SLC45A2: variants seen among roughly 807,000 people sequenced by gnomAD.
SLC45A2 encodes the protein solute carrier family 45 member 2.
SLC45A2 carries 36 observed loss-of-function variants against 45.5 expected under a neutral mutation model. The observed-to-expected ratio is 0.79, with a 90% CI of 0.61 to 1.04. The LOEUF is 1.04. Ranked by LOEUF, SLC45A2 falls within the 50% of genes least tolerant of loss-of-function variation. The probability of loss-of-function intolerance (pLI) is 0.00; values close to 1 mark genes in which losing one functional copy is unlikely to be tolerated. For synonymous variants in SLC45A2, 306 were observed against 269.3 expected (o/e 1.14, Z -1.33); for missense variants, 719 against 671.0 (o/e 1.07, Z -0.79).
Position 33,953,561 on chromosome 5 carries a change from G to A in SLC45A2, c.1032+800C>T, listed in dbSNP as rs1203228793. Among the ~76,000 whole-genome samples, 23 of 150,998 alleles carry A rather than the reference G, an allele frequency of 1.5e-4. No individual in the cohort carries two copies. In the South Asian group the frequency reaches 1.7e-3, roughly 11 times the overall value. Reference sequence around the variant, plus strand: ...CCCTAAAAGAGCTCCTGAAGGAAGCGCTAAACATGGAAAGGAACAACCGGT... The same window carrying A: ...CCCTAAAAGAGCTCCTGAAGGAAGCACTAAACATGGAAAGGAACAACCGGT... On this transcript the variant is annotated intron_variant, in intron 4 of 6. Transcript: ENST00000296589.
chr5:33,947,172 T>C lies in SLC45A2; in HGVS notation c.1359A>G (p.Glu453=). 1 of 1,614,222 alleles carries C rather than the reference T, an allele frequency of 6.2e-7. No individual in the cohort carries two copies. Among genetic ancestry groups the C allele is most frequent in the East Asian group, 2.2e-5 (1 of 44,888 alleles). Residue 453 remains glutamate (E), a synonymous_variant, in exon 6 of 7, where the codon GAA becomes GAG. Transcript: ENST00000296589. ...FNLITEYHRE[E]EKERQQAPGG... is the part of the protein sequence containing the mutation. ...TTCAATGACAGCACACCTCCTTTTC[T>C]TCCTCGCGGTGGTACTCAGTAATGA...
At chr5:33,967,013 A>G (rs1009888347) in intron 2 of SLC45A2, among the ~76,000 whole-genome samples, 1 of 152,162 alleles carries the variant, frequency 6.6e-6, no homozygotes, top group Non-Finnish European at 1.5e-5. Flanking sequence ...ATTAATGCAA[A>G]TAATCCACGT....
intron 3 of SLC45A2, among the ~76,000 whole-genome samples, chr5:33,962,024 A>G (rs765623794): frequency 1.3e-5 from 2 of 152,216 alleles, no homozygotes; most frequent in Non-Finnish European, 2.9e-5. Context: ...TTGCATCAAC[A>G]TAAGAAGACT....
At chr5:33,982,940 GAC>G (rs770615685) in intron 1 of SLC45A2, among the ~76,000 whole-genome samples, 1 of 152,214 alleles carries the variant, frequency 6.6e-6, no homozygotes, top group Non-Finnish European at 1.5e-5. Context: ...TGCACATACA[GAC>G]ACACGTGTAC....
rs1022142692 is a variant in SLC45A2, at chr5:33,971,109, G to A, written c.563-7093C>T. 1.5e-5 allele frequency: 8 copies of A among 525,914 alleles called. No homozygotes were observed. The African/African-American group carries it at 1.5e-4, about 10-fold the overall frequency. 32.6% of individuals were successfully genotyped at this position (525,914 alleles called of 1,614,324 possible). ...GATGGACCAAGATGTGTTGGGAGTT[G>A]TCGTCGACAGCTTCACAAAAGTAGC... On this transcript the variant is annotated intron_variant, in intron 2 of 6. Transcript: ENST00000296589.
At chr5:33,951,759 G>A in intron 4 of SLC45A2, 82 bp from the exon 5 acceptor site, 1 of 1,581,990 alleles carries the variant, frequency 6.3e-7, no homozygotes, top group Non-Finnish European at 8.7e-7. Flanking sequence ...CTCCACCTCT[G>A]GGGAGCAAAT....
At chr5:33,970,771 T>C (rs1752754296) in intron 2 of SLC45A2, 1 of 253,358 alleles carries the variant, frequency 3.9e-6, no homozygotes, top group Non-Finnish European at 7.8e-6. Context: ...TGGTGGTCAA[T>C]GAACAGGAAA....
intron 2 of SLC45A2, among the ~76,000 whole-genome samples, chr5:33,972,884 T>C (rs1217822364): frequency 6.6e-6 from 1 of 152,234 alleles, no homozygotes; most frequent in Admixed American, 6.5e-5. Flanking sequence ...ATTTGCTAGG[T>C]GAGCATTTTG....
chr5:33,948,812 T>G (rs1381363886), intron 5 of SLC45A2, among the ~76,000 whole-genome samples: 1 of 152,240 alleles, frequency 6.6e-6, no homozygotes, highest in Non-Finnish European at 1.5e-5. Flanking sequence ...TCCAAGTGTG[T>G]ATGCCAGCAG....
In SLC45A2 at chr5:33,984,551, G is replaced by A. The variant is rs762436828; in HGVS notation, c.33C>T (p.His11=). MGSNSGQAGR[H]IYKSLADDGP... ...CATCATCAGCTAGGGATTTATAGAT[G>A]TGGCGGCCAGCCTGCCCACTGTTGC... Residue 11 remains histidine (H), a synonymous_variant, in exon 1 of 7, where the codon CAC becomes CAT. Transcript: ENST00000296589. 2.5e-6 allele frequency: 4 copies of A among 1,611,620 alleles called. No homozygotes were observed. The highest frequency in any genetic ancestry group is 1.3e-5 in the African/African-American group (1 of 74,940).
chr5:33,950,129 G>T (rs1752056362), intron 5 of SLC45A2, among the ~76,000 whole-genome samples: 1 of 152,130 alleles, frequency 6.6e-6, no homozygotes, highest in Non-Finnish European at 1.5e-5. Flanking sequence ...GGTTGAGGCT[G>T]CAGTGAGCCA....
At chr5:33,954,125 C>T (rs376172059) in intron 4 of SLC45A2, among the ~76,000 whole-genome samples, 1 of 151,896 alleles carries the variant, frequency 6.6e-6, no homozygotes, top group African/African-American at 2.4e-5. Flanking sequence ...ACTTTAACAC[C>T]CCACTGTCAA....
Position 33,951,628 on chromosome 5 carries a change from A to G in SLC45A2, c.1082T>C (p.Leu361Pro), listed in dbSNP as rs121912619. 55 of 1,614,090 alleles carry G rather than the reference A, an allele frequency of 3.4e-5. No individual in the cohort carries two copies. Among genetic ancestry groups the G allele is most frequent in the Non-Finnish European group, 4.7e-5 (55 of 1,180,036 alleles). Residue 361 changes from leucine (L) to proline (P), a missense_variant, in exon 5 of 7, where the codon CTC becomes CCC. Leu to Pro is a moderately conservative substitution (Grantham distance 98). Transcript: ENST00000296589. ...AACCTCGACTCCTCTTTCGTAGATG[A>G]GAAACTCTGTGGAGTTGTGTGCACT... ...PYSAHNSTEF[L>P]IYERGVEVGC...
chr5:33,962,041 T>C (rs1752471778), intron 3 of SLC45A2, among the ~76,000 whole-genome samples: 1 of 152,216 alleles, frequency 6.6e-6, no homozygotes, highest in Admixed American at 6.5e-5. Context: ...GACTTTCCCT[T>C]CCTATTTCTG....
chr5:33,966,951 A>G (rs191722377), intron 2 of SLC45A2, among the ~76,000 whole-genome samples: 1 of 152,182 alleles, frequency 6.6e-6, no homozygotes, highest in African/African-American at 2.4e-5. Context: ...GCTCTTGGGC[A>G]CTTCTCTGAG....
At position 33,944,660 on chromosome 5, in the gene SLC45A2, T is replaced by C; in HGVS notation, c.1581A>G (p.Arg527=). 5.0e-6 allele frequency: 8 copies of C among 1,614,102 alleles called. No homozygotes were observed. Among genetic ancestry groups the C allele is most frequent in the Non-Finnish European group, 6.8e-6 (8 of 1,180,008 alleles). Residue 527 remains arginine, a synonymous_variant, in exon 7 of 7, where the codon AGA becomes AGG. Transcript: ENST00000296589. The part of the protein sequence containing the change: ...IGCCFVALFV[R]YVD ...TCTCTTTATTGACCTAATCCACATA[T>C]CTAACAAAGAGAGCGACAAAGCAAC...
chr5:33,968,450 G>A (rs191835960), intron 2 of SLC45A2, among the ~76,000 whole-genome samples: 1 of 152,256 alleles, frequency 6.6e-6, no homozygotes, highest in East Asian at 1.9e-4. Context: ...TAGATAACAA[G>A]CTTTTACAAA....
chr5:33,977,586 A>G (rs1752966496), intron 2 of SLC45A2, among the ~76,000 whole-genome samples: 1 of 152,206 alleles, frequency 6.6e-6, no homozygotes, highest in African/African-American at 2.4e-5. Context: ...GGAGAAAGAA[A>G]CTTTCGATGT....
intron 3 of SLC45A2, among the ~76,000 whole-genome samples, chr5:33,960,782 G>T (rs1752432039): frequency 6.6e-6 from 1 of 152,098 alleles, no homozygotes; most frequent in East Asian, 1.9e-4. Context: ...TAAAAAAAGG[G>T]CATTAGTAGA....
Sources: allele counts gnomAD v4.1 joint callset (sites outside exome capture counted in the v4.1 genomes callset), GRCh38; gene constraint gnomAD v4.1.1; transcripts MANE v1.5; gene names NCBI Gene and HGNC (gene_info 2026-07-23, HGNC 2026-07-21).